PHF21B: variants seen among roughly 807,000 people sequenced by gnomAD.
PHF21B encodes the protein PHD finger protein 21B.
PHF21B carries 22 observed loss-of-function variants against 62.2 expected under a neutral mutation model. The observed-to-expected ratio is 0.35, with a 90% CI of 0.25 to 0.51. The LOEUF (loss-of-function observed/expected upper bound fraction) is 0.51. Among genes scored for constraint, PHF21B ranks in the 20% least tolerant of loss-of-function variants. The pLI is 0.97. For synonymous variants in PHF21B, 341 were observed against 314.7 expected (o/e 1.08, Z -0.88); for missense variants, 701 against 707.9 (o/e 0.99, Z 0.11).
intron 2 of PHF21B, among the ~76,000 whole-genome samples, chr22:44,994,396 G>A (rs6006913): frequency 0.42 from 63,472 of 152,108 alleles, 15,203 homozygotes; most frequent in Non-Finnish European, 0.56. Flanking sequence ...AGAGACTGGA[G>A]GGCTGTGTCT....
intron 5 of PHF21B, among the ~76,000 whole-genome samples, chr22:44,908,802 G>A (rs1004212313): frequency 1.3e-5 from 2 of 152,194 alleles, no homozygotes; most frequent in East Asian, 3.9e-4. Context: ...ATGTATGTGT[G>A]TATGTATGTA....
chr22:45,009,564 C>G lies in PHF21B; in HGVS notation c.-15G>C. ...TGCAGCTCCATCCCGGCAACTTGGG[C>G]AGCACTTTGCGCTCACTTTGGCCCG... On this transcript the variant is annotated 5_prime_UTR_variant, in exon 1 of 13. Transcript: ENST00000313237. This position sits in a 1 kb window ranked among gnomAD's most constrained non-coding sequence, Gnocchi z 5.9. The G allele has an allele frequency of 2.6e-6, 4 of 1,565,898 alleles. No individual in the cohort carries two copies. The highest frequency in any genetic ancestry group is 3.4e-6 in the Non-Finnish European group (4 of 1,166,260).
chr22:44,930,445 GCT>G (rs1234060900), intron 2 of PHF21B, among the ~76,000 whole-genome samples: 1 of 152,162 alleles, frequency 6.6e-6, no homozygotes, highest in Non-Finnish European at 1.5e-5. Context: ...GACAGAGGGA[GCT>G]CTGTCTACAG....
rs2070736932 is a variant in PHF21B, at chr22:44,881,210, A to G, written c.*1876T>C. On this transcript the variant is annotated 3_prime_UTR_variant, in exon 13 of 13. Transcript: ENST00000313237. ...ATACATTGTAAAGAAGGAAAACTACATTGGCGTATTTAAGACAAACACTTT... is the reference window on the plus strand; with the variant it reads ...ATACATTGTAAAGAAGGAAAACTACGTTGGCGTATTTAAGACAAACACTTT... The G allele has an allele frequency of 6.6e-6, 1 of 152,666 alleles. No individual in the cohort carries two copies. The highest frequency in any genetic ancestry group is 2.4e-5 in the African/African-American group (1 of 41,444). The allele number at this position is 152,666 out of a possible 1,614,324, so 9.5% of individuals were successfully genotyped here.
intron 2 of PHF21B, among the ~76,000 whole-genome samples, chr22:44,991,938 T>C (rs1383513890): frequency 5.3e-5 from 8 of 152,254 alleles, no homozygotes; most frequent in Admixed American, 4.6e-4. Flanking sequence ...AGAAACAGCT[T>C]TTTTAATGAA....
intron 2 of PHF21B, among the ~76,000 whole-genome samples, chr22:44,936,034 T>C (rs778460522): frequency 2.6e-5 from 4 of 152,212 alleles, no homozygotes; most frequent in Non-Finnish European, 4.4e-5. Context: ...GCAAATAACG[T>C]GTTGAAAATA....
intron 4 of PHF21B, among the ~76,000 whole-genome samples, chr22:44,915,766 G>C (rs1446551295): frequency 6.6e-6 from 1 of 152,208 alleles, no homozygotes; most frequent in Non-Finnish European, 1.5e-5. Flanking sequence ...GCCTCAAACA[G>C]CACAACCACC....
intron 2 of PHF21B, chr22:44,970,807 A>C (rs1020188134): frequency 6.6e-6 from 1 of 152,224 alleles, no homozygotes; most frequent in Non-Finnish European, 1.5e-5. Flanking sequence ...GATTTGGGGG[A>C]CAAGTGGCGA....
Position 44,923,587 on chromosome 22 carries a change from GA to G in PHF21B, c.121-3098del, listed in dbSNP as rs1343931154. On this transcript the variant is annotated intron_variant, in intron 2 of 12. Coordinates refer to ENST00000313237, the MANE Select transcript of PHF21B (RefSeq NM_138415.5). ...AAATGCAAAAAGTGGCCACACCCTG[GA>G]AAAAAACACATACAAATCACCTATC... 6.6e-5 allele frequency among the ~76,000 whole-genome samples: 10 copies of G among 152,046 alleles called. 2 individuals are homozygous for G.
intron 2 of PHF21B, among the ~76,000 whole-genome samples, chr22:44,924,672 T>C (rs2071598494): frequency 6.6e-6 from 1 of 152,262 alleles, no homozygotes; most frequent in African/African-American, 2.4e-5. Flanking sequence ...CACCTTGATC[T>C]TGGACTTCCC....
At chr22:44,933,083 G>A (rs917004809) in intron 2 of PHF21B, among the ~76,000 whole-genome samples, 1 of 151,894 alleles carries the variant, frequency 6.6e-6, no homozygotes. Context: ...CTCCCGCCCC[G>A]CTGTGGAAAC....
intron 7 of PHF21B, 24 bp from the exon 8 acceptor site, chr22:44,891,384 A>C: frequency 6.2e-7 from 1 of 1,612,024 alleles, no homozygotes; most frequent in Non-Finnish European, 8.5e-7. Flanking sequence ...AAACAAAACA[A>C]CACACCCCAT....
At chr22:44,894,029 C>T (rs1346343277) in intron 6 of PHF21B, among the ~76,000 whole-genome samples, 1 of 152,210 alleles carries the variant, frequency 6.6e-6, no homozygotes, top group East Asian at 1.9e-4. Context: ...GCCACACTGA[C>T]GGTGTTTTCT....
intron 2 of PHF21B, among the ~76,000 whole-genome samples, chr22:44,929,493 C>T (rs1454118821): frequency 6.6e-6 from 1 of 152,222 alleles, no homozygotes; most frequent in East Asian, 1.9e-4. Context: ...GTGCCTCCTC[C>T]AGCCCACGTG....
At chr22:44,952,007 T>C (rs2072203897) in intron 2 of PHF21B, among the ~76,000 whole-genome samples, 1 of 152,230 alleles carries the variant, frequency 6.6e-6, no homozygotes, top group Admixed American at 6.5e-5. Flanking sequence ...GTGGTTAAAC[T>C]TCTCTGTGAT....
At chr22:44,998,765 A>G (rs572432361) in intron 2 of PHF21B, among the ~76,000 whole-genome samples, 66 of 152,256 alleles carry the variant, frequency 4.3e-4, no homozygotes, top group Middle Eastern at 3.4e-3. Flanking sequence ...TGTTTCTTGT[A>G]TTATTGTTAA....
chr22:44,915,049 ACTGT>A (rs1569224978), intron 4 of PHF21B, among the ~76,000 whole-genome samples: 1 of 152,146 alleles, frequency 6.6e-6, no homozygotes, highest in African/African-American at 2.4e-5. Flanking sequence ...ACGGGTGGTG[ACTGT>A]CTGATGAATT....
intron 2 of PHF21B, among the ~76,000 whole-genome samples, chr22:44,998,505 T>A (rs1411386819): frequency 1.3e-5 from 2 of 152,234 alleles, no homozygotes; most frequent in East Asian, 3.9e-4. Context: ...TCGGGTAAGA[T>A]GAGGGGCTTG....
chr22:44,909,425 T>C (rs988804557), intron 5 of PHF21B, among the ~76,000 whole-genome samples: 10 of 152,194 alleles, frequency 6.6e-5, no homozygotes, highest in East Asian at 3.9e-4. Context: ...TGCCACAGAA[T>C]GGAACGGACT....
Sources: gnomAD v4.1 joint callset for allele counts (sites outside exome capture counted in the v4.1 genomes callset) on GRCh38, gnomAD v4.1.1 for gene constraint, Gnocchi (gnomAD v3.1) non-coding constraint, MANE v1.5 for transcripts, NCBI Gene and HGNC (gene_info 2026-07-23, HGNC 2026-07-21) for gene names.